IQSEC1: variants seen among roughly 807,000 people sequenced by gnomAD.
IQSEC1 encodes IQ motif and Sec7 domain ArfGEF 1.
Under a neutral mutation model 91.0 loss-of-function variants are expected in IQSEC1, and 31 were observed. The ratio of observed to expected loss-of-function variants is 0.34; its 90% CI spans 0.26 to 0.46. The LOEUF (loss-of-function observed/expected upper bound fraction) is 0.46, where lower values mean the gene tolerates loss of function less well. Among genes scored for constraint, IQSEC1 ranks in the 20% least tolerant of loss-of-function variants. IQSEC1 has a pLI of 1.00. For synonymous variants in IQSEC1, 699 were observed against 662.6 expected, an observed-to-expected ratio of 1.05 and a Z score of -0.84; for missense variants, 1,388 against 1,575.6, an observed-to-expected ratio of 0.88 and a Z score of 2.02.
intron 1 of IQSEC1, among the ~76,000 whole-genome samples, chr3:13,072,013 G>A (rs1705449111): frequency 6.6e-6 from 1 of 152,266 alleles, no homozygotes; most frequent in Non-Finnish European, 1.5e-5. Flanking sequence ...CATGGTAAGG[G>A]GCCTCCATCG....
At chr3:12,982,329 C>G (rs755951929) in intron 1 of IQSEC1, among the ~76,000 whole-genome samples, 2 of 152,204 alleles carry the variant, frequency 1.3e-5, no homozygotes, top group African/African-American at 2.4e-5. Context: ...TATCTATCAT[C>G]ATTTACCATA....
At chr3:12,978,228 TGATGAAGCTGG>T (rs1202041811) in intron 1 of IQSEC1, among the ~76,000 whole-genome samples, 1 of 152,196 alleles carries the variant, frequency 6.6e-6, no homozygotes, top group Non-Finnish European at 1.5e-5. Flanking sequence ...ACAGCCCATG[TGATGAAGCTGG>T]GATTAGAGCC....
chr3:12,902,670 C>G (rs6791577), intron 13 of IQSEC1, 103 bp downstream of exon 13: 5 of 192,648 alleles, frequency 2.6e-5, no homozygotes, highest in African/African-American at 6.8e-5. Context: ...AAAAAAAAAC[C>G]AAAAAAAAAA....
chr3:12,914,734 T>G (rs1575884625), intron 8 of IQSEC1, among the ~76,000 whole-genome samples: 1 of 149,210 alleles, frequency 6.7e-6, no homozygotes, highest in African/African-American at 2.5e-5. Context: ...GTCCTGGGGG[T>G]GAGGAGGCAG....
chr3:13,039,783 G>A (rs1704182730), intron 1 of IQSEC1, among the ~76,000 whole-genome samples: 1 of 152,152 alleles, frequency 6.6e-6, no homozygotes, highest in African/African-American at 2.4e-5. Flanking sequence ...ATTTCTGGTC[G>A]ACAACTGCTG....
At chr3:13,010,360 G>T (rs900844080) in intron 1 of IQSEC1, among the ~76,000 whole-genome samples, 3 of 152,186 alleles carry the variant, frequency 2.0e-5, no homozygotes, top group Admixed American at 6.5e-5. Flanking sequence ...TACCGAGCTT[G>T]GTCTATCAGA....
rs114373628 is a variant in IQSEC1 at position 13,144,489 on chromosome 3, C to T, written c.302+19615G>A. Among the ~76,000 whole-genome samples the T allele has an allele frequency of 3.9e-4, 59 of 152,336 alleles. 1 individual carries two copies. The highest frequency in any genetic ancestry group is 3.4e-3 in the Middle Eastern group (1 of 294). On this transcript the variant is annotated intron_variant, in intron 2 of 15. Transcript: ENST00000648114. ...ACGCCTGTCCTGCCTTTCCCTCCCT[C>T]GGCATGGCATCAACAGTCACACTCA...
intron 6 of IQSEC1, among the ~76,000 whole-genome samples, chr3:12,917,652 C>T (rs569784457): frequency 3.0e-4 from 45 of 152,168 alleles, no homozygotes; most frequent in Non-Finnish European, 1.9e-4. Flanking sequence ...TGCTCAAGGA[C>T]GTCTGGTGGT....
intron 1 of IQSEC1, among the ~76,000 whole-genome samples, chr3:13,252,240 T>C (rs1695207649): frequency 6.6e-6 from 1 of 152,132 alleles, no homozygotes; most frequent in Non-Finnish European, 1.5e-5. Context: ...CCTTCCACTT[T>C]CTGTCTCTAC....
In IQSEC1 at chr3:13,014,046, C is replaced by G. The variant is rs546202811; in HGVS notation, c.23+58946G>C. Among the ~76,000 whole-genome samples, 150 of 152,302 alleles carry G rather than the reference C, an allele frequency of 9.8e-4. 1 individual carries two copies. Among genetic ancestry groups the G allele is most frequent in the Admixed American group, 2.1e-3 (32 of 15,306 alleles). ...GCAGCCACCTGGCCAGGCTCCCCAG[C>G]TTGAGCCCTGGCGCCCAACAAAGGC... On this transcript the variant is annotated intron_variant, in intron 1 of 13. Transcript: ENST00000613206.
intron 2 of IQSEC1, among the ~76,000 whole-genome samples, chr3:13,149,472 C>T (rs978042047): frequency 1.6e-4 from 25 of 152,098 alleles, no homozygotes; most frequent in Non-Finnish European, 3.1e-4. Flanking sequence ...CCAAATTCCC[C>T]CGAAGAGCAG....
intron 1 of IQSEC1, among the ~76,000 whole-genome samples, chr3:13,276,026 T>A (rs1489116532): frequency 6.6e-6 from 1 of 152,134 alleles, no homozygotes; most frequent in Middle Eastern, 3.2e-3. Context: ...CTTTTCTATA[T>A]GTTTGAACAT....
intron 2 of IQSEC1, among the ~76,000 whole-genome samples, chr3:13,149,812 A>G (rs1456591693): frequency 6.6e-6 from 1 of 152,234 alleles, no homozygotes; most frequent in African/African-American, 2.4e-5. Context: ...GCCTTGGTGC[A>G]GATACCACAG....
intron 1 of IQSEC1, among the ~76,000 whole-genome samples, chr3:13,272,694 T>C (rs1559290883): frequency 6.6e-6 from 1 of 152,100 alleles, no homozygotes; most frequent in African/African-American, 2.4e-5. Flanking sequence ...TCACAGAAAG[T>C]AAAGACAGAG....
intron 2 of IQSEC1, among the ~76,000 whole-genome samples, chr3:13,138,432 C>T (rs1254571313): frequency 1.3e-5 from 2 of 152,064 alleles, no homozygotes; most frequent in Non-Finnish European, 2.9e-5. Flanking sequence ...GGAGCCTCAG[C>T]TTCTGCAACA....
At chr3:12,975,950 C>A (rs1559691163) in intron 1 of IQSEC1, among the ~76,000 whole-genome samples, 1 of 152,238 alleles carries the variant, frequency 6.6e-6, no homozygotes, top group Non-Finnish European at 1.5e-5. Flanking sequence ...ATCTGCCCCC[C>A]AACGGCTGCA....
intron 1 of IQSEC1, among the ~76,000 whole-genome samples, chr3:12,973,644 C>T (rs1342030904): frequency 1.3e-5 from 2 of 152,190 alleles, no homozygotes; most frequent in African/African-American, 4.8e-5. Flanking sequence ...AGCCTTACCC[C>T]ATTTACCCTG....
intron 1 of IQSEC1, among the ~76,000 whole-genome samples, chr3:12,949,883 T>C (rs2569997): frequency 0.5 from 75,615 of 151,992 alleles, 19,373 homozygotes; most frequent in East Asian, 0.85. Flanking sequence ...AACAGGCAGG[T>C]TTGTGAGGCC....
At chr3:13,102,838 C>A (rs1706087462) in intron 2 of IQSEC1, among the ~76,000 whole-genome samples, 1 of 152,168 alleles carries the variant, frequency 6.6e-6, no homozygotes, top group Non-Finnish European at 1.5e-5. Flanking sequence ...CGGCTGCACC[C>A]CTGGTGCTGA....
Sources: allele counts gnomAD v4.1 joint callset (sites outside exome capture counted in the v4.1 genomes callset), GRCh38; gene constraint gnomAD v4.1.1; transcripts MANE v1.5; gene names NCBI Gene and HGNC (gene_info 2026-07-23, HGNC 2026-07-21).